Variants in GHRHR observed in about 807,000 individuals in gnomAD.
GHRHR encodes growth hormone releasing hormone receptor, also known as growth hormone-releasing hormone receptor.
Under a neutral mutation model 58.3 loss-of-function variants are expected in GHRHR, and 40 were observed. The observed-to-expected ratio is 0.69, with a 90% CI of 0.53 to 0.89. The LOEUF is 0.89. Ranked by LOEUF, GHRHR falls within the 40% of genes least tolerant of loss-of-function variation. The pLI, the probability that GHRHR is intolerant of heterozygous loss-of-function variation, is 0.00. For missense variants in GHRHR, 551 were observed against 541.3 expected (o/e 1.02, Z -0.18); for synonymous variants, 249 against 216.6 (o/e 1.15, Z -1.31).
intron 4 of GHRHR, 131 bp from the exon 5 acceptor site, chr7:30,970,988 G>A (rs1792469047): frequency 8.6e-6 from 6 of 700,496 alleles, no homozygotes; most frequent in Non-Finnish European, 1.3e-5. Context: ...CATGGTACTC[G>A]CGGACACCTC....
intron 6 of GHRHR, among the ~76,000 whole-genome samples, chr7:30,972,592 AG>A (rs1043589658): frequency 1.2e-4 from 18 of 152,136 alleles, no homozygotes; most frequent in African/African-American, 4.1e-4. Flanking sequence ...CAGCAACAAT[AG>A]GGAGATGGGG....
At chr7:30,967,995 T>C (rs1049818394) in intron 1 of GHRHR, among the ~76,000 whole-genome samples, 1 of 152,134 alleles carries the variant, frequency 6.6e-6, no homozygotes, top group Admixed American at 6.5e-5. Flanking sequence ...CCTTTCTCCA[T>C]CTTCAGACCA....
rs1400806586 is a variant in GHRHR at position 30,977,194 on chromosome 7, A to G, written c.1105-87A>G. On this transcript the variant is annotated intron_variant, in intron 11 of 12. Coordinates refer to ENST00000326139, the MANE Select transcript of GHRHR (RefSeq NM_000823.4). Reference sequence around the variant, plus strand: ...TGGCCCAAGCCATAGCCTGGGGATGAGTAGGGAAAAGGTAGCAGAAAGACG... The same window carrying G: ...TGGCCCAAGCCATAGCCTGGGGATGGGTAGGGAAAAGGTAGCAGAAAGACG... 3 of 1,227,840 alleles carry G rather than the reference A, an allele frequency of 2.4e-6. No homozygotes were observed. In the African/African-American group the frequency reaches 4.4e-5, roughly 18 times the overall value. The allele number at this position is 1,227,840 out of a possible 1,614,324, so 76.1% of individuals were successfully genotyped here.
intron 1 of GHRHR, among the ~76,000 whole-genome samples, chr7:30,967,426 C>G (rs1356250999): frequency 3.9e-5 from 6 of 152,230 alleles, no homozygotes; most frequent in Non-Finnish European, 8.8e-5. Flanking sequence ...GATCATTTCT[C>G]ATGGCCACTG....
intron 4 of GHRHR, among the ~76,000 whole-genome samples, chr7:30,970,586 T>C (rs186440398): frequency 1.9e-3 from 284 of 152,342 alleles, no homozygotes; most frequent in South Asian, 3.3e-3. Flanking sequence ...AGAGCTGGGA[T>C]TGGGGCCAGT....
chr7:30,975,014 A>T lies in GHRHR; in HGVS notation c.856A>T (p.Lys286Ter). ...CACCTCCCCCTACTGGTGGATCATC[A>T]AAGGGCCCATTGTCCTCTCGGTCGG... ...DDTSPYWWII[K>*]GPIVLSVGVN... The change falls in exon 9 of 13, where the codon AAA becomes TAA. Residue 286 changes from lysine (K) to a stop codon, truncating the protein, a stop_gained. Coordinates refer to ENST00000326139, the MANE Select transcript of GHRHR (RefSeq NM_000823.4). LOFTEE classifies it high-confidence loss of function. 10 of 1,613,074 alleles carry T rather than the reference A, an allele frequency of 6.2e-6. No individual in the cohort carries two copies. Among genetic ancestry groups the T allele is most frequent in the Non-Finnish European group, 8.5e-6 (10 of 1,179,098 alleles).
chr7:30,967,177 C>T (rs776595047), intron 1 of GHRHR, among the ~76,000 whole-genome samples: 15 of 152,182 alleles, frequency 9.9e-5, no homozygotes, highest in Non-Finnish European at 1.8e-4. Context: ...GCCTGCTGGG[C>T]GATCAGTTTT....
rs756658887 is a variant in GHRHR at position 30,968,920 on chromosome 7, G to A, written c.144G>A (p.Met48Ile). The A allele has an allele frequency of 6.2e-7, 1 of 1,612,474 alleles. No individual in the cohort carries two copies. The highest frequency in any genetic ancestry group is 1.1e-5 in the South Asian group (1 of 91,034). ...CCTGTCTACAAGCAGCAGAGGAGAT[G>A]CCCAACACCACCCTGGGTATGGGGC... Reference protein sequence around the residue: ...ESACLQAAEEMPNTTLGCPAT... With the variant: ...ESACLQAAEEIPNTTLGCPAT... Residue 48 changes from methionine (M) to isoleucine (I), a missense_variant, in exon 2 of 13, where the codon ATG becomes ATA. Coordinates refer to ENST00000326139, the MANE Select transcript of GHRHR (RefSeq NM_000823.4).
rs902376970 is a variant in GHRHR at position 30,979,339 on chromosome 7, C to G, written c.*95C>G. 1.5e-6 allele frequency: 2 copies of G among 1,298,346 alleles called. No homozygotes were observed. Among genetic ancestry groups the G allele is most frequent in the Admixed American group, 3.7e-5 (2 of 53,386 alleles). The allele number at this position is 1,298,346 out of a possible 1,614,324, so 80.4% of individuals were successfully genotyped here. A position where few individuals can be genotyped will look rare whatever the true frequency, so the allele number is the denominator to read the frequency against. ...AGGAGCAAGGGGGCCACATCCCCAC[C>G]CCAGCTGTTACCCAGCCCGGGGCAG... On this transcript the variant is annotated 3_prime_UTR_variant, in exon 13 of 13. Transcript: ENST00000326139.
At position 30,972,084 on chromosome 7, in the gene GHRHR, A is replaced by G. The variant is rs1792492351; in HGVS notation, c.586A>G (p.Ser196Gly). ...LFHSDDTDHCSFSTVLCKVSV... is the reference protein window; with the variant it reads ...LFHSDDTDHCGFSTVLCKVSV... ...CCACAGCGACGACACTGACCACTGC[A>G]GCTTCTCCACTGTAATGGCCATGGG... The change falls in exon 6 of 13, where the codon AGC becomes GGC. Residue 196 changes from serine (S) to glycine (G), a missense_variant. Ser to Gly is a moderately conservative substitution (Grantham distance 56). Transcript: ENST00000326139. 4.3e-6 allele frequency: 7 copies of G among 1,613,938 alleles called. No individual in the cohort carries two copies. The highest frequency in any genetic ancestry group is 5.9e-6 in the Non-Finnish European group (7 of 1,180,034).
intron 1 of GHRHR, among the ~76,000 whole-genome samples, chr7:30,968,226 A>C (rs10240904): frequency 1.3e-5 from 2 of 151,978 alleles, no homozygotes; most frequent in African/African-American, 4.8e-5. Flanking sequence ...CAGGTTCCAC[A>C]GATTAGGATG....
Position 30,969,929 on chromosome 7 carries a change from G to T in GHRHR, c.331G>T (p.Ala111Ser), listed in dbSNP as rs774724170. Residue 111 changes from alanine (A) to serine (S), a missense_variant, in exon 4 of 13, where the codon GCC (alanine) becomes TCC (serine). Coordinates refer to ENST00000326139, the MANE Select transcript of GHRHR (RefSeq NM_000823.4). ...TGAGCCCTTTCCACCTTACCCTGTG[G>T]CCTGCCCTGTGCCTCTGGAGCTGCT... ...WSEPFPPYPV[A>S]CPVPLELLAE... The T allele has an allele frequency of 2.0e-6, 3 of 1,525,840 alleles. No individual in the cohort carries two copies. Among genetic ancestry groups the T allele is most frequent in the Non-Finnish European group, 2.7e-6 (3 of 1,099,118 alleles). The allele number at this position is 1,525,840 out of a possible 1,614,324, so 94.5% of individuals were successfully genotyped here.
rs773236300 is a variant in GHRHR at position 30,972,035 on chromosome 7, G to C, written c.537G>C (p.Val179=). 1 of 1,614,036 alleles carries C rather than the reference G, an allele frequency of 6.2e-7. No individual in the cohort carries two copies. Among genetic ancestry groups the C allele is most frequent in the Non-Finnish European group, 8.5e-7 (1 of 1,180,004 alleles). ...CTTTTATCCTCAAGGCGGGAGCTGT[G>C]TTCCTGAAGGATGCTGCCCTTTTCC... ...FTTFILKAGA[V]FLKDAALFHS... Residue 179 remains valine, a synonymous_variant, in exon 6 of 13, where the codon GTG becomes GTC. Coordinates refer to ENST00000326139, the MANE Select transcript of GHRHR (RefSeq NM_000823.4).
Position 30,974,452 on chromosome 7 carries a change from A to G in GHRHR, c.775A>G (p.Thr259Ala), listed in dbSNP as rs1472493775. Residue 259 changes from threonine (T) to alanine (A), a missense_variant, in exon 8 of 13, where the codon ACG becomes GCG. Physicochemically the swap from Thr to Ala is moderately conservative, Grantham distance 58. Transcript: ENST00000326139. ...AGGGCTGCCCGTGCTCTTCACTGGC[A>G]CGTGGGTGAGCTGCAAACTGGCCTT... is the stretch of plus-strand genomic sequence containing the variant. ...GWGLPVLFTG[T>A]WVSCKLAFED... 3.7e-6 allele frequency: 6 copies of G among 1,613,126 alleles called. No individual in the cohort carries two copies. In the South Asian group the frequency reaches 6.6e-5, roughly 18 times the overall value.
rs1792550897 is a variant in GHRHR at position 30,975,040 on chromosome 7, G to C, written c.882G>C (p.Gly294=). Reference sequence around the variant, plus strand: ...AAGGGCCCATTGTCCTCTCGGTCGGGGTCAGTCCCTGGGCCAGTGCCCTTT... The same window carrying C: ...AAGGGCCCATTGTCCTCTCGGTCGGCGTCAGTCCCTGGGCCAGTGCCCTTT... ...IIKGPIVLSV[G]VNFGLFLNII... The change falls in exon 9 of 13, where the codon GGG becomes GGC. Residue 294 remains glycine (G), a splice_region_variant and synonymous_variant. Coordinates refer to ENST00000326139, the MANE Select transcript of GHRHR (RefSeq NM_000823.4). The C allele has an allele frequency of 6.2e-7, 1 of 1,606,462 alleles. No homozygotes were observed. Among genetic ancestry groups the C allele is most frequent in the African/African-American group, 1.3e-5 (1 of 74,682 alleles).
intron 3 of GHRHR, 57 bp from the exon 4 acceptor site, chr7:30,969,810 G>C: frequency 6.4e-7 from 1 of 1,565,142 alleles, no homozygotes; most frequent in Non-Finnish European, 8.8e-7. Flanking sequence ...GGCACCCCCA[G>C]CCCCCTCCTG....
At chr7:30,969,997 T>A (rs1792450055) in intron 4 of GHRHR, 33 bp downstream of exon 4, 8 of 889,022 alleles carry the variant, frequency 9.0e-6, no homozygotes, top group Admixed American at 1.7e-5. Context: ...GAGGAAGGAC[T>A]GCCATGGACA....
chr7:30,978,899 C>T (rs1196021308), intron 12 of GHRHR, among the ~76,000 whole-genome samples: 1 of 152,280 alleles, frequency 6.6e-6, no homozygotes, highest in African/African-American at 2.4e-5. Flanking sequence ...GGCTAAAAGG[C>T]AGAGAAAGGA....
chr7:30,978,400 T>C (rs1028137900), intron 12 of GHRHR, among the ~76,000 whole-genome samples: 6 of 152,120 alleles, frequency 3.9e-5, no homozygotes, highest in African/African-American at 1.4e-4. Flanking sequence ...ACCAGGTGGT[T>C]ACATACCTCT....
Sources: gnomAD v4.1 joint callset for allele counts (sites outside exome capture counted in the v4.1 genomes callset) on GRCh38, gnomAD v4.1.1 for gene constraint, MANE v1.5 for transcripts, NCBI Gene and HGNC (gene_info 2026-07-23, HGNC 2026-07-21) for gene names.